Variants in MSL2 observed in about 807,000 individuals in gnomAD.
MSL2 encodes the protein E3 ubiquitin-protein ligase MSL2.
In MSL2, 2 loss-of-function variants were observed where a neutral mutation model predicts 35.8. The ratio of observed to expected loss-of-function variants is 0.06; its 90% CI spans 0.02 to 0.18. The LOEUF is 0.18. MSL2 is among the 10% of genes least tolerant of loss of function. The pLI is 1.00. For synonymous variants in MSL2, 296 were observed against 255.7 expected, an observed-to-expected ratio of 1.16 and a Z score of -1.50; for missense variants, 523 against 706.7, an observed-to-expected ratio of 0.74 and a Z score of 2.95.
In MSL2 at chr3:136,195,172, T is replaced by A; in HGVS notation, c.-59A>T. 1 of 1,564,720 alleles carries A rather than the reference T, an allele frequency of 6.4e-7. No individual in the cohort carries two copies. The highest frequency in any genetic ancestry group is 1.4e-5 in the African/African-American group (1 of 72,362). On this transcript the variant is annotated 5_prime_UTR_variant, in exon 1 of 2. Coordinates refer to ENST00000309993, the MANE Select transcript of MSL2 (RefSeq NM_018133.4). ...AAAAGAAATTCCGGATCCAACTTAG[T>A]AAGCAGCCAGGGAACGATGGCGAAT...
rs1055386117 is a variant in MSL2, at chr3:136,164,632, A to G, written c.143-11894T>C. 4.6e-5 allele frequency among the ~76,000 whole-genome samples: 7 copies of G among 152,092 alleles called. No individual in the cohort carries two copies. In the Middle Eastern group the frequency reaches 0.024, roughly 517 times the overall value. On this transcript the variant is annotated intron_variant, in intron 1 of 1. Coordinates refer to ENST00000309993, the MANE Select transcript of MSL2 (RefSeq NM_018133.4). ...AAATATCTAACTATGTCTCTAAGAA[A>G]CCCCCCACCTCCAACTTAAGAAATA... is the stretch of plus-strand genomic sequence containing the variant.
chr3:136,195,023 T>C lies in MSL2; in HGVS notation c.91A>G (p.Ile31Val). ...CGGAAGTAAGGCAAGAGCCTGTTAA[T>C]CTCAGTAAACGCCTTGGGGTCTCCG... ...DPGDPKAFTE[I>V]NRLLPYFRQS... The change falls in exon 1 of 2, where the codon ATT becomes GTT. Residue 31 changes from isoleucine (I) to valine (V), a missense_variant. Transcript: ENST00000309993. 1 of 1,613,910 alleles carries C rather than the reference T, an allele frequency of 6.2e-7. No individual in the cohort carries two copies.
Position 136,195,680 on chromosome 3 carries a change from A to C in MSL2, c.-567T>G. 1.0e-6 allele frequency: 1 copy of C among 985,218 alleles called. No individual in the cohort carries two copies. Among genetic ancestry groups the C allele is most frequent in the Non-Finnish European group, 1.2e-6 (1 of 829,904 alleles). 61.0% of individuals were successfully genotyped at this position (985,218 alleles called of 1,614,324 possible). A position where few individuals can be genotyped will look rare whatever the true frequency, so the allele number is the denominator to read the frequency against. ...GTGCAAGACGCCGCGGCGGCGACGA[A>C]GGTTGATGTTGCGGCTGGCGGACGC... On this transcript the variant is annotated 5_prime_UTR_variant, in exon 1 of 2. Coordinates refer to ENST00000309993, the MANE Select transcript of MSL2 (RefSeq NM_018133.4).
intron 1 of MSL2, among the ~76,000 whole-genome samples, chr3:136,184,542 G>A (rs1304072572): frequency 2.0e-5 from 3 of 152,102 alleles, no homozygotes; most frequent in Non-Finnish European, 4.4e-5. Flanking sequence ...GGCGGAGGTT[G>A]CAGCGAGCCG....
At chr3:136,166,157 G>A (rs1576362491) in intron 1 of MSL2, among the ~76,000 whole-genome samples, 1 of 151,920 alleles carries the variant, frequency 6.6e-6, no homozygotes, top group East Asian at 1.9e-4. Context: ...GGGAGGCCGA[G>A]GTGGGCGGGT....
At chr3:136,163,821 T>A (rs1939770777) in intron 1 of MSL2, among the ~76,000 whole-genome samples, 1 of 152,152 alleles carries the variant, frequency 6.6e-6, no homozygotes, top group Admixed American at 6.5e-5. Flanking sequence ...AAGGGGCTCT[T>A]CCTCCCTTCA....
At chr3:136,171,404 A>G (rs1940022888) in intron 1 of MSL2, among the ~76,000 whole-genome samples, 1 of 152,176 alleles carries the variant, frequency 6.6e-6, no homozygotes, top group Non-Finnish European at 1.5e-5. Context: ...GGGCCCAAGG[A>G]GCCAGGTACT....
rs759195443 is a variant in MSL2 at position 136,151,666 on chromosome 3, A to G, written c.1215T>C (p.Thr405=). 3.1e-6 allele frequency: 5 copies of G among 1,614,060 alleles called. No homozygotes were observed. Among genetic ancestry groups the G allele is most frequent in the Middle Eastern group, 3.3e-4 (2 of 6,062 alleles). The stretch of plus-strand genomic sequence containing the variant: ...GTTCATGACTCTTTTTCATGCTTTT[A>G]GTAGATAAAAGTACAGTTTTGCTGA... ...PKISKTVLLS[T]KSMKKSHEHG... Residue 405 remains threonine, a synonymous_variant, in exon 2 of 2, where the codon ACT becomes ACC. Transcript: ENST00000309993. The surrounding 1 kb of genome is among the most constrained non-coding windows in gnomAD (Gnocchi z 5.2).
chr3:136,152,534 G>A lies in MSL2; in HGVS notation c.347C>T (p.Ala116Val). The A allele has an allele frequency of 6.2e-7, 1 of 1,614,200 alleles. No homozygotes were observed. Among genetic ancestry groups the A allele is most frequent in the Non-Finnish European group, 8.5e-7 (1 of 1,180,030 alleles). The change falls in exon 2 of 2, where the codon GCA becomes GTA. Residue 116 changes from alanine to valine, a missense_variant. Around this residue, in one of 5 missense-constraint regions of MSL2, gnomAD observed 361 missense variants for 414.6 expected, o/e 0.87. Transcript: ENST00000309993. ...LCEYITQTTL[A>V]RDIIEAVDCS... ...GTCAACTGCTTCTATTATATCCCGT[G>A]CCAGTGTAGTCTGTGTTATATACTC... is the stretch of plus-strand genomic sequence containing the variant.
Position 136,195,532 on chromosome 3 carries a change from G to C in MSL2, c.-419C>G. 4.0e-6 allele frequency: 4 copies of C among 1,007,668 alleles called. No homozygotes were observed. In the South Asian group the frequency reaches 1.6e-4, roughly 40 times the overall value. 62.4% of individuals were successfully genotyped at this position (1,007,668 alleles called of 1,614,324 possible). A position where few individuals can be genotyped will look rare whatever the true frequency, so the allele number is the denominator to read the frequency against. ...GCTGGCAGGCGCGGGAGCAGGCCCC[G>C]GCCCCGTCTGAGGCGCGGCACGCTT... is the stretch of plus-strand genomic sequence containing the variant. On this transcript the variant is annotated 5_prime_UTR_variant, in exon 1 of 2. Coordinates refer to ENST00000309993, the MANE Select transcript of MSL2 (RefSeq NM_018133.4).
intron 1 of MSL2, among the ~76,000 whole-genome samples, chr3:136,180,743 G>GAGGAGGGA (rs1304196588): frequency 6.4e-4 from 75 of 117,694 alleles, no homozygotes; most frequent in Middle Eastern, 4.7e-3. Context: ...AAGAGGAGGA[G>GAGGAGGGA]AGGAGGGAAG....
intron 1 of MSL2, among the ~76,000 whole-genome samples, chr3:136,167,130 C>G (rs746726842): frequency 6.6e-6 from 1 of 151,972 alleles, no homozygotes; most frequent in African/African-American, 2.4e-5. Context: ...TAAAAATAAA[C>G]CTGTGAACAC....
At chr3:136,184,220 C>T (rs984222899) in intron 1 of MSL2, among the ~76,000 whole-genome samples, 6 of 152,000 alleles carry the variant, frequency 3.9e-5, no homozygotes, top group Admixed American at 1.3e-4. Context: ...TGCTCGAACC[C>T]GGGAGGCGGA....
chr3:136,172,745 C>CAA (rs1940062455), intron 1 of MSL2, among the ~76,000 whole-genome samples: 1 of 151,984 alleles, frequency 6.6e-6, no homozygotes. Context: ...TCTGACTATA[C>CAA]AAATGTGTAC....
chr3:136,155,026 G>A (rs1320194405), intron 1 of MSL2, among the ~76,000 whole-genome samples: 1 of 152,058 alleles, frequency 6.6e-6, no homozygotes, highest in Admixed American at 6.6e-5. Flanking sequence ...TGGCCAACAT[G>A]GTGAAACTCC....
chr3:136,182,047 A>C (rs1940382186), intron 1 of MSL2, among the ~76,000 whole-genome samples: 2 of 152,300 alleles, frequency 1.3e-5, no homozygotes, highest in South Asian at 4.1e-4. Flanking sequence ...GAAAACACTG[A>C]AGGCAAATTT....
intron 1 of MSL2, among the ~76,000 whole-genome samples, chr3:136,165,254 T>A (rs1049259803): frequency 6.6e-6 from 1 of 151,706 alleles, no homozygotes; most frequent in African/African-American, 2.4e-5. Flanking sequence ...AAACCTTATC[T>A]GCAATATTTC....
intron 1 of MSL2, among the ~76,000 whole-genome samples, chr3:136,177,704 G>GA (rs1940220130): frequency 8.1e-6 from 1 of 124,152 alleles, no homozygotes; most frequent in African/African-American, 2.8e-5. Flanking sequence ...AAAAAAAAAA[G>GA]ATGCTACAAA....
Position 136,179,828 on chromosome 3 carries a change from A to AG in MSL2, c.142+15143dup, listed in dbSNP as rs1940285057. On this transcript the variant is annotated intron_variant, in intron 1 of 1. Coordinates refer to ENST00000309993, the MANE Select transcript of MSL2 (RefSeq NM_018133.4). ...ACACCTGTAATCACAGCACTTTGGG[A>AG]GGCCAAGGCAGGTGATCACCTGAGG... Among the ~76,000 whole-genome samples the AG allele has an allele frequency of 2.0e-5, 3 of 152,316 alleles. No homozygotes were observed. In the South Asian group the frequency reaches 6.2e-4, roughly 32 times the overall value.
Sources: gnomAD v4.1 joint callset for allele counts (sites outside exome capture counted in the v4.1 genomes callset) on GRCh38, gnomAD v4.1.1 for gene constraint, gnomAD v4.1.1 regional missense constraint, Gnocchi (gnomAD v3.1) non-coding constraint, MANE v1.5 for transcripts, NCBI Gene and HGNC (gene_info 2026-07-23, HGNC 2026-07-21) for gene names.